FANCD2: variants seen among roughly 807,000 people sequenced by gnomAD.
FANCD2 encodes the protein Fanconi anemia group D2 protein.
In FANCD2, 131 loss-of-function variants were observed where a neutral mutation model predicts 192.3. That is an observed-to-expected ratio of 0.68 (90% CI 0.59 to 0.79). The LOEUF (loss-of-function observed/expected upper bound fraction) is 0.79. Ranked by LOEUF, FANCD2 falls within the 30% of genes least tolerant of loss-of-function variation. The pLI is 0.00. For synonymous variants in FANCD2, 524 were observed against 612.5 expected, an observed-to-expected ratio of 0.86 and a Z score of 2.13; for missense variants, 1,508 against 1,701.6, an observed-to-expected ratio of 0.89 and a Z score of 2.00.
At chr3:10,031,320 G>T (rs3100098) in intron 2 of FANCD2, among the ~76,000 whole-genome samples, 81,652 of 151,454 alleles carry the variant, frequency 0.54, 22,772 homozygotes, top group African/African-American at 0.67. Context: ...TGGCTAACAT[G>T]GTGAAACCCC....
intron 18 of FANCD2, among the ~76,000 whole-genome samples, chr3:10,059,610 G>A (rs889966295): frequency 1.3e-5 from 2 of 152,016 alleles, no homozygotes; most frequent in African/African-American, 4.8e-5. Flanking sequence ...AGACCATCCT[G>A]GCTAACATGG....
intron 30 of FANCD2, 71 bp from the exon 31 acceptor site, chr3:10,081,029 C>CTTGA (rs1693804374): frequency 1.1e-5 from 17 of 1,575,936 alleles, no homozygotes; most frequent in Non-Finnish European, 1.5e-5. Context: ...TGACTTGACT[C>CTTGA]CATTGCGAAC....
intron 43 of FANCD2, chr3:10,099,448 C>A (rs1246131426): frequency 3.9e-6 from 2 of 509,486 alleles, no homozygotes; most frequent in South Asian, 6.4e-5. Context: ...CATAACAAGA[C>A]CCTATCTCCA....
chr3:10,033,898 C>T (rs2086663648), intron 3 of FANCD2, among the ~76,000 whole-genome samples: 1 of 150,830 alleles, frequency 6.6e-6, no homozygotes, highest in Non-Finnish European at 1.5e-5. Flanking sequence ...GGAGTTTCAC[C>T]GTGTTAGCCA....
intron 37 of FANCD2, 42 bp from the exon 38 acceptor site, chr3:10,092,139 T>G: frequency 7.7e-7 from 1 of 1,290,696 alleles, no homozygotes; most frequent in East Asian, 2.3e-5. Flanking sequence ...AGGGAAGTAT[T>G]TGGCTGTGAC....
intron 18 of FANCD2, among the ~76,000 whole-genome samples, chr3:10,054,378 C>CAT (rs777872939): frequency 8.4e-5 from 8 of 94,698 alleles, no homozygotes; most frequent in South Asian, 3.3e-4. Context: ...CGTGTATATA[C>CAT]ATATATATAT....
At chr3:10,043,389 G>A (rs923267615) in intron 12 of FANCD2, 95 bp from the exon 13 acceptor site, 35 of 989,678 alleles carry the variant, frequency 3.5e-5, no homozygotes, top group Non-Finnish European at 5.3e-5. Context: ...ACATGAGGTT[G>A]TCATTTGCTC....
chr3:10,039,936 T>C, intron 9 of FANCD2, 91 bp downstream of exon 9: 1 of 1,493,916 alleles, frequency 6.7e-7, no homozygotes, highest in South Asian at 1.1e-5. Context: ...ATATGGTCTC[T>C]TCTATCTAAA....
At chr3:10,070,496 AGGGAGGTGGGGGGGGTCAGCC>A (rs1248457315) in intron 26 of FANCD2, among the ~76,000 whole-genome samples, 8 of 79,556 alleles carry the variant, frequency 1.0e-4, no homozygotes, top group Non-Finnish European at 1.7e-4. Flanking sequence ...CCGGTCCGGG[AGGGAGGTGGGGGGGGTCAGCC>A]CCCTGTCCGG....
intron 7 of FANCD2, among the ~76,000 whole-genome samples, chr3:10,038,753 G>A (rs979839042): frequency 8.6e-5 from 13 of 151,702 alleles, no homozygotes; most frequent in African/African-American, 2.9e-4. Flanking sequence ...GCTAATTTTT[G>A]TATTTTTAGT....
intron 18 of FANCD2, among the ~76,000 whole-genome samples, chr3:10,053,247 A>G (rs1315094872): frequency 1.3e-5 from 2 of 151,482 alleles, no homozygotes; most frequent in Non-Finnish European, 2.9e-5. Context: ...ATGAAATTGG[A>G]AATCATCATT....
intron 30 of FANCD2, among the ~76,000 whole-genome samples, chr3:10,080,522 A>G (rs1693776434): frequency 6.6e-6 from 1 of 152,226 alleles, no homozygotes; most frequent in African/African-American, 2.4e-5. Flanking sequence ...TTTAACCCCA[A>G]CACTTTGGGA....
chr3:10,100,898 C>T (rs761607026), intron 43 of FANCD2, among the ~76,000 whole-genome samples: 45 of 151,854 alleles, frequency 3.0e-4, no homozygotes, highest in Admixed American at 5.3e-4. Context: ...GGAGAAACCC[C>T]GTCTCTACCA....
At chr3:10,050,262 G>A (rs1389806216) in intron 17 of FANCD2, among the ~76,000 whole-genome samples, 1 of 152,098 alleles carries the variant, frequency 6.6e-6, no homozygotes, top group Non-Finnish European at 1.5e-5. Flanking sequence ...TTGGTCACGG[G>A]AATGTAGAAG....
At chr3:10,075,159 C>G (rs1693464120) in intron 29 of FANCD2, among the ~76,000 whole-genome samples, 1 of 151,854 alleles carries the variant, frequency 6.6e-6, no homozygotes, top group Non-Finnish European at 1.5e-5. Context: ...AAATAGCTAG[C>G]AATACGGTAG....
intron 30 of FANCD2, among the ~76,000 whole-genome samples, chr3:10,080,456 TTTTG>T (rs1374614508): frequency 1.3e-5 from 2 of 152,224 alleles, no homozygotes; most frequent in South Asian, 2.1e-4. Context: ...TTCTACATTT[TTTTG>T]TTTGTTTGTT....
intron 26 of FANCD2, among the ~76,000 whole-genome samples, chr3:10,067,614 A>T (rs561689113): frequency 6.6e-6 from 1 of 152,328 alleles, no homozygotes; most frequent in Middle Eastern, 3.4e-3. Flanking sequence ...CCTGGCCAAC[A>T]TGGTGAAACC....
chr3:10,058,120 T>G, intron 18 of FANCD2: 1 of 450,014 alleles, frequency 2.2e-6, no homozygotes, highest in Non-Finnish European at 4.2e-6. Flanking sequence ...AGGTGATGCC[T>G]TTGTTCTTAT....
rs913653611 is a variant in FANCD2 at position 10,099,290 on chromosome 3, T to C, written c.4281+475T>C. Reference sequence around the variant, plus strand: ...AAATAGAAGTTCTTACGCTTTTTTGTGGTACAGATGCTTTCGACAATTTAA... The same window carrying C: ...AAATAGAAGTTCTTACGCTTTTTTGCGGTACAGATGCTTTCGACAATTTAA... On this transcript the variant is annotated intron_variant, in intron 43 of 43. Coordinates refer to ENST00000675286, the MANE Select transcript of FANCD2 (RefSeq NM_001018115.3). The C allele has an allele frequency of 9.6e-6, 12 of 1,249,052 alleles. No individual in the cohort carries two copies. The Admixed American group carries it at 4.3e-4, about 45-fold the overall frequency. 77.4% of individuals were successfully genotyped at this position (1,249,052 alleles called of 1,614,324 possible). A position where few individuals can be genotyped will look rare whatever the true frequency, so the allele number is the denominator to read the frequency against.
Sources: allele counts gnomAD v4.1 joint callset (sites outside exome capture counted in the v4.1 genomes callset), GRCh38; gene constraint gnomAD v4.1.1; transcripts MANE v1.5; gene names NCBI Gene and HGNC (gene_info 2026-07-23, HGNC 2026-07-21).